Variants in ZNF804A observed in about 807,000 individuals in gnomAD.
The protein encoded by ZNF804A is zinc finger protein 804A.
ZNF804A carries 2 observed loss-of-function variants against 16.5 expected under a neutral mutation model. The ratio of observed to expected loss-of-function variants is 0.12; its 90% CI spans 0.05 to 0.38. The LOEUF (loss-of-function observed/expected upper bound fraction) is 0.38, where lower values mean the gene tolerates loss of function less well. Ranked by LOEUF, ZNF804A falls within the 10% of genes least tolerant of loss-of-function variation. The pLI, the probability that ZNF804A is intolerant of heterozygous loss-of-function variation, is 0.99. For synonymous variants in ZNF804A, 534 were observed against 489.6 expected (o/e 1.09, Z -1.20); for missense variants, 1,473 against 1,390.7 (o/e 1.06, Z -0.94).
At chr2:184,651,388 A>G (rs904985450) in intron 1 of ZNF804A, among the ~76,000 whole-genome samples, 1 of 152,062 alleles carries the variant, frequency 6.6e-6, no homozygotes, top group Non-Finnish European at 1.5e-5. Context: ...TTGGGAAAGA[A>G]TTTATGACTA....
intron 1 of ZNF804A, among the ~76,000 whole-genome samples, chr2:184,847,172 C>A (rs148570014): frequency 9.9e-4 from 151 of 152,180 alleles, no homozygotes; most frequent in Non-Finnish European, 1.8e-3. Flanking sequence ...CAATTTAGCT[C>A]GCCAGAGGAA....
chr2:184,662,396 A>C (rs1187855160), intron 1 of ZNF804A, among the ~76,000 whole-genome samples: 1 of 152,178 alleles, frequency 6.6e-6, no homozygotes, highest in Non-Finnish European at 1.5e-5. Flanking sequence ...GACTCATAAT[A>C]AAGTTCCCTC....
At chr2:184,625,962 G>A (rs1336729858) in intron 1 of ZNF804A, among the ~76,000 whole-genome samples, 1 of 152,014 alleles carries the variant, frequency 6.6e-6, no homozygotes, top group Non-Finnish European at 1.5e-5. Flanking sequence ...TCTGCCTCCC[G>A]GGTTCACGCC....
At chr2:184,804,503 C>T (rs1694773906) in intron 1 of ZNF804A, among the ~76,000 whole-genome samples, 1 of 152,176 alleles carries the variant, frequency 6.6e-6, no homozygotes, top group Non-Finnish European at 1.5e-5. Flanking sequence ...GTCCCACACT[C>T]AAGTAATTGA....
intron 1 of ZNF804A, among the ~76,000 whole-genome samples, chr2:184,651,480 A>C (rs1691982525): frequency 6.6e-6 from 1 of 152,168 alleles, no homozygotes; most frequent in African/African-American, 2.4e-5. Flanking sequence ...ACAGCAAAAA[A>C]ATTATCAATA....
chr2:184,694,119 T>G (rs545108066), intron 1 of ZNF804A, among the ~76,000 whole-genome samples: 1 of 151,584 alleles, frequency 6.6e-6, no homozygotes, highest in Admixed American at 6.6e-5. Flanking sequence ...TTTTTTTTTT[T>G]TGTATTTTTA....
Position 184,903,237 on chromosome 2 carries a change from T to C in ZNF804A, c.256-30366T>C, listed in dbSNP as rs148009231. ...CTGACTCAGTAGAAATCTCCACATA[T>C]AGAATAAAGATTACTTCAAAAATAC... is the stretch of plus-strand genomic sequence containing the variant. On this transcript the variant is annotated intron_variant, in intron 2 of 3. Coordinates refer to ENST00000302277, the MANE Select transcript of ZNF804A (RefSeq NM_194250.2). 3.3e-3 allele frequency among the ~76,000 whole-genome samples: 499 copies of C among 152,290 alleles called. 2 individuals carry two copies. The highest frequency in any genetic ancestry group is 0.011 in the African/African-American group (474 of 41,572).
chr2:184,875,137 A>T (rs900021886), intron 2 of ZNF804A, among the ~76,000 whole-genome samples: 2 of 152,234 alleles, frequency 1.3e-5, no homozygotes, highest in Non-Finnish European at 2.9e-5. Flanking sequence ...TTTTAAAAAG[A>T]TGGAAGTCTA....
intron 1 of ZNF804A, among the ~76,000 whole-genome samples, chr2:184,775,602 T>A (rs1694273869): frequency 6.6e-6 from 1 of 151,718 alleles, no homozygotes; most frequent in Admixed American, 6.6e-5. Flanking sequence ...CTTTTCTTTT[T>A]GTGAGTTAGG....
chr2:184,935,290 A>G (rs896442739), intron 3 of ZNF804A, among the ~76,000 whole-genome samples: 2 of 152,200 alleles, frequency 1.3e-5, no homozygotes, highest in African/African-American at 2.4e-5. Context: ...CAATTGGGCT[A>G]TAGTAGACTC....
intron 1 of ZNF804A, among the ~76,000 whole-genome samples, chr2:184,823,310 C>A (rs1237109027): frequency 6.6e-6 from 1 of 151,970 alleles, no homozygotes; most frequent in African/African-American, 2.4e-5. Context: ...GATTTAACAC[C>A]TCCTAAGAAC....
intron 1 of ZNF804A, among the ~76,000 whole-genome samples, chr2:184,817,691 G>C (rs191238914): frequency 6.6e-6 from 1 of 152,080 alleles, no homozygotes; most frequent in African/African-American, 2.4e-5. Context: ...AACGAGAAGA[G>C]CCAGTTTAGA....
chr2:184,809,509 T>C (rs1694859841), intron 1 of ZNF804A, among the ~76,000 whole-genome samples: 1 of 151,872 alleles, frequency 6.6e-6, no homozygotes. Context: ...TTATTTTTAT[T>C]TAGTCATTGA....
At chr2:184,639,597 A>C (rs928775571) in intron 1 of ZNF804A, among the ~76,000 whole-genome samples, 1 of 152,232 alleles carries the variant, frequency 6.6e-6, no homozygotes, top group Non-Finnish European at 1.5e-5. Context: ...GAAAGAAGAC[A>C]AAAGAAAATA....
At chr2:184,664,746 T>C (rs1295777204) in intron 1 of ZNF804A, among the ~76,000 whole-genome samples, 2 of 152,186 alleles carry the variant, frequency 1.3e-5, no homozygotes, top group East Asian at 1.9e-4. Flanking sequence ...CAGAAAGTGT[T>C]TGGGACAGAG....
intron 1 of ZNF804A, among the ~76,000 whole-genome samples, chr2:184,846,689 A>C (rs1318938882): frequency 6.6e-6 from 1 of 152,032 alleles, no homozygotes; most frequent in African/African-American, 2.4e-5. Flanking sequence ...ACTATCCTTC[A>C]GATTTTTCCA....
intron 1 of ZNF804A, among the ~76,000 whole-genome samples, chr2:184,665,245 C>T (rs1387968990): frequency 6.6e-6 from 1 of 152,084 alleles, no homozygotes; most frequent in African/African-American, 2.4e-5. Context: ...AAGGAACTAG[C>T]ACTAAAGATT....
intron 1 of ZNF804A, among the ~76,000 whole-genome samples, chr2:184,600,728 A>G (rs1180755973): frequency 6.6e-6 from 1 of 152,216 alleles, no homozygotes; most frequent in Non-Finnish European, 1.5e-5. Flanking sequence ...CCAAACCTCA[A>G]CTTGTTAAAA....
chr2:184,655,972 TTAA>T (rs1322999927), intron 1 of ZNF804A, among the ~76,000 whole-genome samples: 2 of 152,158 alleles, frequency 1.3e-5, no homozygotes, highest in African/African-American at 4.8e-5. Flanking sequence ...TGTTAATTGA[TTAA>T]TAATTATTAA....
Sources: allele counts gnomAD v4.1 joint callset (sites outside exome capture counted in the v4.1 genomes callset), GRCh38; gene constraint gnomAD v4.1.1; transcripts MANE v1.5; gene names NCBI Gene and HGNC (gene_info 2026-07-23, HGNC 2026-07-21).